Variants in SCN10A observed in about 807,000 individuals in gnomAD.
The protein encoded by SCN10A is sodium channel protein type 10 subunit alpha.
A neutral mutation model predicts 170.7 loss-of-function variants in SCN10A; 162 were observed. The observed-to-expected ratio is 0.95, with a 90% CI of 0.84 to 1.08. The LOEUF (loss-of-function observed/expected upper bound fraction) is 1.08, where lower values mean the gene tolerates loss of function less well. Ranked by LOEUF, SCN10A falls within the 50% of genes least tolerant of loss-of-function variation. The pLI is 0.00. For missense variants in SCN10A, 2,527 were observed against 2,436.9 expected (o/e 1.04, Z -0.78); for synonymous variants, 985 against 904.6 (o/e 1.09, Z -1.59).
chr3:38,775,946 C>T (rs1323740440), intron 4 of SCN10A, among the ~76,000 whole-genome samples: 2 of 151,960 alleles, frequency 1.3e-5, no homozygotes, highest in African/African-American at 2.4e-5. Context: ...TCTTCTCAAC[C>T]TTTAACATAA....
chr3:38,815,982 C>T (rs1372243312), intron 1 of SCN10A, 55 bp downstream of exon 1: 2 of 152,180 alleles, frequency 1.3e-5, no homozygotes, highest in African/African-American at 4.8e-5. Context: ...TCAAAATACC[C>T]AAGCACATAT....
At chr3:38,730,267 C>T (rs142285029) in intron 15 of SCN10A, among the ~76,000 whole-genome samples, 88 of 152,276 alleles carry the variant, frequency 5.8e-4, no homozygotes, top group African/African-American at 2.1e-3. Context: ...AAAATTGACG[C>T]TGAGCATTTG....
Position 38,771,264 on chromosome 3 carries a change from T to C in SCN10A, c.599+15A>G. On this transcript the variant is annotated intron_variant, in intron 5 of 27. Transcript: ENST00000449082. ...CTCCTATCACACATGCAGATCTGCATAGAGATATACTCACGCCAGGGTAAT... is the reference window on the plus strand; with the variant it reads ...CTCCTATCACACATGCAGATCTGCACAGAGATATACTCACGCCAGGGTAAT... 3 of 1,613,330 alleles carry C rather than the reference T, an allele frequency of 1.9e-6. No individual in the cohort carries two copies. The highest frequency in any genetic ancestry group is 2.5e-6 in the Non-Finnish European group (3 of 1,179,562).
intron 19 of SCN10A, 24 bp from the exon 20 acceptor site, chr3:38,722,436 T>C (rs1366520577): frequency 2.5e-6 from 4 of 1,610,416 alleles, no homozygotes; most frequent in South Asian, 1.1e-5. Context: ...TGACTGATGG[T>C]GGGTGATGGC....
At chr3:38,712,537 A>G in intron 22 of SCN10A, 92 bp from the exon 23 acceptor site, 1 of 1,349,716 alleles carries the variant, frequency 7.4e-7, no homozygotes, top group East Asian at 2.3e-5. Flanking sequence ...AGGCTGCTTC[A>G]TGAGCCAGTG....
At chr3:38,764,570 G>C (rs1030830508) in intron 5 of SCN10A, among the ~76,000 whole-genome samples, 1 of 152,146 alleles carries the variant, frequency 6.6e-6, no homozygotes, top group Non-Finnish European at 1.5e-5. Context: ...CAACTGAGTA[G>C]TATTCCATGG....
In SCN10A at chr3:38,697,312, C is replaced by T. The variant is rs1420917229; in HGVS notation, c.*37G>A. 2 of 1,603,678 alleles carry T rather than the reference C, an allele frequency of 1.2e-6. No homozygotes were observed. Among genetic ancestry groups the T allele is most frequent in the East Asian group, 2.2e-5 (1 of 44,718 alleles). Reference sequence around the variant, plus strand: ...AGAGTTAACACAGAGCAGAAGGACGCATCATAACTGAACATATCCAGGCTG... The same window carrying T: ...AGAGTTAACACAGAGCAGAAGGACGTATCATAACTGAACATATCCAGGCTG... On this transcript the variant is annotated 3_prime_UTR_variant, in exon 28 of 28. Coordinates refer to ENST00000449082, the MANE Select transcript of SCN10A (RefSeq NM_006514.4).
At chr3:38,807,362 A>G (rs970363527) in intron 1 of SCN10A, among the ~76,000 whole-genome samples, 3 of 152,154 alleles carry the variant, frequency 2.0e-5, no homozygotes, top group African/African-American at 4.8e-5. Context: ...AAATACATCA[A>G]TGCATGTTTT....
At chr3:38,701,539 C>G (rs979109730) in intron 27 of SCN10A, among the ~76,000 whole-genome samples, 1 of 152,192 alleles carries the variant, frequency 6.6e-6, no homozygotes, top group African/African-American at 2.4e-5. Context: ...CTGAGGTTCT[C>G]AGGAGGAGTG....
At chr3:38,801,051 C>T (rs2064367813) in intron 1 of SCN10A, among the ~76,000 whole-genome samples, 1 of 152,114 alleles carries the variant, frequency 6.6e-6, no homozygotes, top group South Asian at 2.1e-4. Flanking sequence ...TTGGTAGAGG[C>T]TGGTGTGAAT....
intron 27 of SCN10A, among the ~76,000 whole-genome samples, chr3:38,699,468 G>A (rs1284261301): frequency 6.6e-6 from 1 of 152,150 alleles, no homozygotes; most frequent in African/African-American, 2.4e-5. Flanking sequence ...ACATCTCACA[G>A]GAAAAATGGT....
chr3:38,731,946 T>C (rs2063516786), intron 15 of SCN10A, among the ~76,000 whole-genome samples: 1 of 152,248 alleles, frequency 6.6e-6, no homozygotes, highest in South Asian at 2.1e-4. Flanking sequence ...CTTGCAGTAT[T>C]AAGCTTTTCT....
intron 4 of SCN10A, among the ~76,000 whole-genome samples, chr3:38,785,146 T>G (rs890986573): frequency 5.3e-5 from 8 of 152,122 alleles, no homozygotes; most frequent in Non-Finnish European, 1.0e-4. Flanking sequence ...AAATTTCATG[T>G]GGAACAAAAA....
intron 13 of SCN10A, among the ~76,000 whole-genome samples, chr3:38,746,089 A>ATT (rs2126018156): frequency 8.5e-6 from 1 of 117,006 alleles, no homozygotes; most frequent in Non-Finnish European, 1.8e-5. Context: ...ATATATATAT[A>ATT]TATATATATA....
At chr3:38,755,082 G>A (rs1309810905) in intron 11 of SCN10A, among the ~76,000 whole-genome samples, 1 of 152,024 alleles carries the variant, frequency 6.6e-6, no homozygotes, top group Non-Finnish European at 1.5e-5. Flanking sequence ...ATTGCTACAG[G>A]GTCTGAGGTG....
Position 38,725,259 on chromosome 3 carries a change from G to T in SCN10A, c.3143C>A (p.Pro1048Gln). 1.2e-6 allele frequency: 2 copies of T among 1,603,630 alleles called. No individual in the cohort carries two copies. ...RCGDHLTPRS[P>Q]GTGTSSEDLA... is the part of the protein sequence containing the mutation. ...GTCCTCAGAAGATGTTCCAGTGCCT[G>T]GGCTCCTGGGTGTCAGGTGGTCCCC... Residue 1048 changes from proline to glutamine, a missense_variant, in exon 18 of 28, where the codon CCA becomes CAA. By Grantham distance (76) the Pro-to-Gln change is moderately conservative (BLOSUM62 -1). Coordinates refer to ENST00000449082, the MANE Select transcript of SCN10A (RefSeq NM_006514.4).
intron 21 of SCN10A, among the ~76,000 whole-genome samples, chr3:38,717,055 G>C (rs574921751): frequency 2.6e-5 from 4 of 152,322 alleles, no homozygotes; most frequent in African/African-American, 7.2e-5. Context: ...CAGAATGTTA[G>C]ATGATTGGAC....
chr3:38,760,806 T>C, intron 7 of SCN10A, 59 bp from the exon 8 acceptor site: 4 of 1,391,194 alleles, frequency 2.9e-6, no homozygotes, highest in Non-Finnish European at 1.0e-6. Context: ...AACCCAAGCC[T>C]TGTGTGGTGA....
chr3:38,784,091 G>A (rs1030913512), intron 4 of SCN10A, among the ~76,000 whole-genome samples: 1 of 152,166 alleles, frequency 6.6e-6, no homozygotes, highest in South Asian at 2.1e-4. Context: ...TCATTACTCT[G>A]AATATAAGCA....
Sources: allele counts gnomAD v4.1 joint callset (sites outside exome capture counted in the v4.1 genomes callset), GRCh38; gene constraint gnomAD v4.1.1; transcripts MANE v1.5; gene names NCBI Gene and HGNC (gene_info 2026-07-23, HGNC 2026-07-21).